CUL5: variants seen among roughly 807,000 people sequenced by gnomAD.
CUL5 encodes cullin 5, also known as cullin-5.
CUL5 carries 26 observed loss-of-function variants against 108.8 expected under a neutral mutation model. The observed-to-expected ratio is 0.24, with a 90% CI of 0.18 to 0.33. CUL5 has a LOEUF of 0.33. Ranked by LOEUF, CUL5 falls within the 10% of genes least tolerant of loss-of-function variation. The pLI is 1.00. For missense variants in CUL5, 524 were observed against 909.2 expected, an observed-to-expected ratio of 0.58 and a Z score of 5.45; for synonymous variants, 334 against 298.0, an observed-to-expected ratio of 1.12 and a Z score of -1.25.
At chr11:108,101,860 C>T (rs1024772919) in intron 18 of CUL5, among the ~76,000 whole-genome samples, 1 of 152,184 alleles carries the variant, frequency 6.6e-6, no homozygotes, top group African/African-American at 2.4e-5. Context: ...CTGTAATCTT[C>T]AAGTGCCTGA....
At chr11:108,087,451 T>A (rs1457994500) in intron 11 of CUL5, among the ~76,000 whole-genome samples, 1 of 152,174 alleles carries the variant, frequency 6.6e-6, no homozygotes. Context: ...CATATATTTT[T>A]AGAGAAGTAG....
chr11:108,047,803 T>C lies in CUL5; in HGVS notation c.234+1434T>C, dbSNP rs543228904. Among the ~76,000 whole-genome samples, 343 of 152,352 alleles carry C rather than the reference T, an allele frequency of 2.3e-3. 1 individual carries two copies. Among genetic ancestry groups the C allele is most frequent in the African/African-American group, 7.6e-3 (317 of 41,584 alleles). ...ATTGGGAAATGTACCACGTTTTCTT[T>C]TTATGACTTGATAAAGATAAATTAT... On this transcript the variant is annotated intron_variant, in intron 3 of 18. Coordinates refer to ENST00000393094, the MANE Select transcript of CUL5 (RefSeq NM_003478.6).
chr11:108,090,039 C>CAA (rs35375054), intron 13 of CUL5, among the ~76,000 whole-genome samples: 79 of 148,386 alleles, frequency 5.3e-4, no homozygotes, highest in South Asian at 1.5e-3. Flanking sequence ...GACTCCATTT[C>CAA]AAAAAAAAAA....
chr11:108,083,520 A>G (rs1017184125), intron 11 of CUL5, among the ~76,000 whole-genome samples: 1 of 152,206 alleles, frequency 6.6e-6, no homozygotes, highest in African/African-American at 2.4e-5. Context: ...GCTGGGTGCC[A>G]TGGCTCATGC....
intron 7 of CUL5, among the ~76,000 whole-genome samples, chr11:108,056,354 T>A (rs1399008867): frequency 6.6e-6 from 1 of 152,244 alleles, no homozygotes; most frequent in Admixed American, 6.5e-5. Context: ...TTTTTTTTAC[T>A]TTTGACTTTT....
chr11:108,011,205 C>T (rs1285215144), intron 1 of CUL5, among the ~76,000 whole-genome samples: 1 of 152,230 alleles, frequency 6.6e-6, no homozygotes, highest in African/African-American at 2.4e-5. Context: ...GAGTAAGTCA[C>T]TGTTCTACTT....
intron 7 of CUL5, among the ~76,000 whole-genome samples, chr11:108,058,844 T>G (rs943805030): frequency 4.6e-5 from 7 of 152,164 alleles, no homozygotes; most frequent in African/African-American, 7.2e-5. Context: ...TAAGCTTGAT[T>G]ATCACTCGCT....
rs1350427017 is a variant in CUL5, at chr11:108,011,588, C to T, written c.24+2216C>T. ...GATGTGTAACTTAGAAGTTAGAAGC[C>T]AATGTCATAAAAAAAACCACCAGCT... On this transcript the variant is annotated intron_variant, in intron 1 of 18. Coordinates refer to ENST00000393094, the MANE Select transcript of CUL5 (RefSeq NM_003478.6). Among the ~76,000 whole-genome samples, 18 of 151,220 alleles carry T rather than the reference C, an allele frequency of 1.2e-4. No homozygotes were observed. In the East Asian group the frequency reaches 3.5e-3, roughly 29 times the overall value.
intron 11 of CUL5, among the ~76,000 whole-genome samples, chr11:108,082,232 C>T (rs1864105547): frequency 6.7e-6 from 1 of 149,496 alleles, no homozygotes; most frequent in Admixed American, 6.7e-5. Context: ...TCTTTTCCTT[C>T]CCCTTCCCCT....
chr11:108,073,530 T>C (rs553788295), intron 10 of CUL5, 33 bp downstream of exon 10: 15 of 995,928 alleles, frequency 1.5e-5, no homozygotes, highest in Non-Finnish European at 2.1e-5. Context: ...AAAACACTTT[T>C]AAAAGTTTTA....
In CUL5 at chr11:108,046,283, G is replaced by A; in HGVS notation, c.148G>A (p.Val50Ile). 1 of 1,609,870 alleles carries A rather than the reference G, an allele frequency of 6.2e-7. No individual in the cohort carries two copies. The highest frequency in any genetic ancestry group is 8.5e-7 in the Non-Finnish European group (1 of 1,177,676). ...TTATATTCACAGGGATGTGCATGCA[G>A]TCTGTCTTTGGGATGATAAAGGCCC... ...WFDLFSDVHAVCLWDDKGPAK... is the reference protein window; with the variant it reads ...WFDLFSDVHAICLWDDKGPAK... Residue 50 changes from valine (V) to isoleucine (I), a missense_variant, in exon 3 of 19, where the codon GTC becomes ATC. By Grantham distance (29) the Val-to-Ile change is conservative. This residue lies in a region of CUL5 where 76 missense variants were observed against 90.8 expected (regional missense o/e 0.84). Coordinates refer to ENST00000393094, the MANE Select transcript of CUL5 (RefSeq NM_003478.6).
In CUL5 at chr11:108,094,562, A is replaced by G. The variant is rs766893955; in HGVS notation, c.1567+48A>G. 17 of 1,094,690 alleles carry G rather than the reference A, an allele frequency of 1.6e-5. No homozygotes were observed. The East Asian group carries it at 3.2e-4, about 20-fold the overall frequency. The allele number at this position is 1,094,690 out of a possible 1,614,324, so 67.8% of individuals were successfully genotyped here. A position where few individuals can be genotyped will look rare whatever the true frequency, so the allele number is the denominator to read the frequency against. On this transcript the variant is annotated intron_variant, in intron 14 of 18. Transcript: ENST00000393094. ...ATATATTTTTTAAACTTAGAAGAAT[A>G]TCTTTGTTTTCCAGTAAATTAAAAA...
chr11:108,064,602 C>G (rs1020806601), intron 7 of CUL5, among the ~76,000 whole-genome samples: 1 of 152,004 alleles, frequency 6.6e-6, no homozygotes, highest in South Asian at 2.1e-4. Context: ...CCCAGCTACT[C>G]GGGAGGCTAA....
In CUL5 at chr11:108,093,077, A is replaced by G. The variant is rs369667949; in HGVS notation, c.1444-1314A>G. 2.4e-4 allele frequency among the ~76,000 whole-genome samples: 36 copies of G among 152,302 alleles called. 1 individual carries two copies. The East Asian group carries it at 3.5e-3, about 15-fold the overall frequency. ...GTGATCCACCCGCCTCAGCCTCCCA[A>G]AGTGCTGGGATTACAGGCATGAGCC... is the stretch of plus-strand genomic sequence containing the variant. On this transcript the variant is annotated intron_variant, in intron 13 of 18. Transcript: ENST00000393094.
At chr11:108,015,642 A>G (rs575951535) in intron 1 of CUL5, among the ~76,000 whole-genome samples, 2 of 152,304 alleles carry the variant, frequency 1.3e-5, no homozygotes, top group South Asian at 2.1e-4. Context: ...TGTGTTGGTC[A>G]TGGGTAGGAA....
chr11:108,023,967 C>T (rs780161579), intron 1 of CUL5, among the ~76,000 whole-genome samples: 32 of 152,108 alleles, frequency 2.1e-4, no homozygotes, highest in African/African-American at 1.4e-4. Flanking sequence ...ATGTCTTTTA[C>T]GTAGTGATGT....
chr11:108,066,022 T>C (rs999044657), intron 7 of CUL5, among the ~76,000 whole-genome samples: 1 of 152,188 alleles, frequency 6.6e-6, no homozygotes, highest in Non-Finnish European at 1.5e-5. Context: ...AACATCACTT[T>C]TATTGTTTTA....
chr11:108,009,984 C>T (rs1243548549), intron 1 of CUL5, among the ~76,000 whole-genome samples: 1 of 152,174 alleles, frequency 6.6e-6, no homozygotes, highest in Non-Finnish European at 1.5e-5. Context: ...AGGACACAAC[C>T]AGATGACAAC....
At chr11:108,041,226 T>A (rs1219461468) in intron 2 of CUL5, among the ~76,000 whole-genome samples, 1 of 152,132 alleles carries the variant, frequency 6.6e-6, no homozygotes, top group Non-Finnish European at 1.5e-5. Flanking sequence ...TTCACAGGTG[T>A]TCCCTTAGTA....
Sources: gnomAD v4.1 joint callset for allele counts (sites outside exome capture counted in the v4.1 genomes callset) on GRCh38, gnomAD v4.1.1 for gene constraint, gnomAD v4.1.1 regional missense constraint, MANE v1.5 for transcripts, NCBI Gene and HGNC (gene_info 2026-07-23, HGNC 2026-07-21) for gene names.